Variants in EIF2AK1 observed in about 807,000 individuals in gnomAD.
EIF2AK1 encodes the protein eukaryotic translation initiation factor 2-alpha kinase 1.
A neutral mutation model predicts 77.9 loss-of-function variants in EIF2AK1; 54 were observed. The ratio of observed to expected loss-of-function variants is 0.69; its 90% CI spans 0.56 to 0.87. EIF2AK1 has a LOEUF of 0.87. EIF2AK1 is among the 40% of genes least tolerant of loss of function. The pLI, the probability that EIF2AK1 is intolerant of heterozygous loss-of-function variation, is 0.00. For synonymous variants in EIF2AK1, 314 were observed against 290.5 expected, an observed-to-expected ratio of 1.08 and a Z score of -0.82; for missense variants, 810 against 768.6, an observed-to-expected ratio of 1.05 and a Z score of -0.64.
chr7:6,033,900 C>G lies in EIF2AK1; in HGVS notation c.1332+3524G>C, dbSNP rs1787987857. Reference sequence around the variant, plus strand: ...GGATTTTCTTGTTTATTACTCTCCACTAGAAGGTAAGCCGCATGAAAGAGA... The same window carrying G: ...GGATTTTCTTGTTTATTACTCTCCAGTAGAAGGTAAGCCGCATGAAAGAGA... On this transcript the variant is annotated intron_variant, in intron 11 of 14. Transcript: ENST00000199389. The surrounding 1 kb of genome is among the most constrained non-coding windows in gnomAD (Gnocchi z 4.4). Among the ~76,000 whole-genome samples, 1 of 152,096 alleles carries G rather than the reference C, an allele frequency of 6.6e-6. No individual in the cohort carries two copies. Among genetic ancestry groups the G allele is most frequent in the African/African-American group, 2.4e-5 (1 of 41,418 alleles).
rs17136324 is a variant in EIF2AK1 at position 6,027,516 on chromosome 7, C to T, written c.1531-555G>A. Among the ~76,000 whole-genome samples the T allele has an allele frequency of 0.064, 9,781 of 152,086 alleles. 595 individuals are homozygous for T. The highest frequency in any genetic ancestry group is 0.34 in the East Asian group (1,748 of 5,158). The stretch of plus-strand genomic sequence containing the variant: ...TTCCTAATCACTAAAAAGCTCAATG[C>T]GCCATCAAAAGGAAGAAAATTTTAC... On this transcript the variant is annotated intron_variant, in intron 13 of 14. Transcript: ENST00000199389. The surrounding 1 kb of genome is among the most constrained non-coding windows in gnomAD (Gnocchi z 4.5).
At chr7:6,040,798 G>T in intron 9 of EIF2AK1, 94 bp downstream of exon 9, 1 of 1,059,846 alleles carries the variant, frequency 9.4e-7, no homozygotes, top group East Asian at 2.4e-5. Context: ...ACGCAGGGCA[G>T]AAGCGCCAGA....
In EIF2AK1 at chr7:6,024,400, G is replaced by C; in HGVS notation, c.*273C>G. On this transcript the variant is annotated 3_prime_UTR_variant, in exon 15 of 15. Coordinates refer to ENST00000199389, the MANE Select transcript of EIF2AK1 (RefSeq NM_014413.4). ...GTACCTTCTAGAGGAAGACCAGACA[G>C]AGGGTCAACAGAGTTGAAAGGAGAA... The C allele has an allele frequency of 7.6e-7, 1 of 1,311,340 alleles. No homozygotes were observed. Among genetic ancestry groups the C allele is most frequent in the Non-Finnish European group, 9.8e-7 (1 of 1,025,480 alleles). The allele number at this position is 1,311,340 out of a possible 1,614,324, so 81.2% of individuals were successfully genotyped here. A position where few individuals can be genotyped will look rare whatever the true frequency, so the allele number is the denominator to read the frequency against.
Position 6,023,294 on chromosome 7 carries a change from T to G in EIF2AK1, c.*1379A>C. On this transcript the variant is annotated 3_prime_UTR_variant, in exon 15 of 15. Transcript: ENST00000199389. Reference sequence around the variant, plus strand: ...TGGTGATGCTACCTGGCGTGTTTTTTCTTTTCAGTGCCGAAGACGCAGATG... The same window carrying G: ...TGGTGATGCTACCTGGCGTGTTTTTGCTTTTCAGTGCCGAAGACGCAGATG... The G allele has an allele frequency of 6.3e-7, 1 of 1,580,110 alleles. No individual in the cohort carries two copies. Among genetic ancestry groups the G allele is most frequent in the South Asian group, 1.2e-5 (1 of 85,874 alleles).
chr7:6,035,131 A>G lies in EIF2AK1; in HGVS notation c.1332+2293T>C, dbSNP rs1270507241. On this transcript the variant is annotated intron_variant, in intron 11 of 14. Transcript: ENST00000199389. This position sits in a 1 kb window ranked among gnomAD's most constrained non-coding sequence, Gnocchi z 5.5. ...AGCCCTAGCGGGGACGGCACAGGTA[A>G]AACAGGCTGCTCCAAGAAGCTGGGC... 6.6e-6 allele frequency among the ~76,000 whole-genome samples: 1 copy of G among 152,178 alleles called. No individual in the cohort carries two copies. Among genetic ancestry groups the G allele is most frequent in the Non-Finnish European group, 1.5e-5 (1 of 68,032 alleles).
At position 6,032,360 on chromosome 7, in the gene EIF2AK1, C is replaced by G. The variant is rs570381806; in HGVS notation, c.1333-3328G>C. Among the ~76,000 whole-genome samples the G allele has an allele frequency of 3.9e-5, 6 of 152,312 alleles. No homozygotes were observed. The South Asian group carries it at 1.2e-3, about 32-fold the overall frequency. On this transcript the variant is annotated intron_variant, in intron 11 of 14. Coordinates refer to ENST00000199389, the MANE Select transcript of EIF2AK1 (RefSeq NM_014413.4). This position sits in a 1 kb window ranked among gnomAD's most constrained non-coding sequence, Gnocchi z 4.3. ...TACTTACACGTGTGTATTTTAAGAG[C>G]TGGCACAAACAGCTCTGCTAATCAT... is the stretch of plus-strand genomic sequence containing the variant.
chr7:6,058,668 G>C (rs1788863135), intron 1 of EIF2AK1, among the ~76,000 whole-genome samples: 1 of 152,252 alleles, frequency 6.6e-6, no homozygotes, highest in African/African-American at 2.4e-5. Flanking sequence ...ATGGGGGCAA[G>C]ACGGTGGCCT....
intron 4 of EIF2AK1, 141 bp from the exon 5 acceptor site, chr7:6,047,232 T>C (rs1788472674): frequency 1.1e-6 from 1 of 920,454 alleles, no homozygotes; most frequent in South Asian, 1.4e-5. Flanking sequence ...TGGGCTAAAA[T>C]GAAATTTTTC....
chr7:6,049,946 T>C lies in EIF2AK1; in HGVS notation c.377A>G (p.His126Arg), dbSNP rs570285714. 1.2e-6 allele frequency: 2 copies of C among 1,612,830 alleles called. No homozygotes were observed. The highest frequency in any genetic ancestry group is 2.2e-5 in the South Asian group (2 of 90,554). ...TCTCTCTTTAGCAGACCTCATTAAG[T>C]GAGTAATAGCTCTGTTGTGATGTAG... ...LRLHHNRAIT[H>R]LMRSAKERVR... is the part of the protein sequence containing the mutation. Residue 126 changes from histidine (H) to arginine (R), a missense_variant, in exon 3 of 15, where the codon CAC becomes CGC. Physicochemically the swap from His to Arg is conservative, Grantham distance 29. Transcript: ENST00000199389.
chr7:6,051,259 AT>A (rs919028771), intron 2 of EIF2AK1, among the ~76,000 whole-genome samples: 131 of 146,454 alleles, frequency 8.9e-4, no homozygotes, highest in Non-Finnish European at 1.3e-3. Context: ...CAATGAGGAC[AT>A]TTTTTTTTCT....
chr7:6,049,878 T>C (rs775859805), intron 3 of EIF2AK1, 34 bp downstream of exon 3: 1 of 1,567,682 alleles, frequency 6.4e-7, no homozygotes, highest in Non-Finnish European at 8.6e-7. Context: ...AAGTATATTT[T>C]TGTCATACCC....
chr7:6,022,498 G>A lies in EIF2AK1; in HGVS notation c.*2175C>T, dbSNP rs1005408872. On this transcript the variant is annotated 3_prime_UTR_variant, in exon 15 of 15. Coordinates refer to ENST00000199389, the MANE Select transcript of EIF2AK1 (RefSeq NM_014413.4). ...ATGATGAGATGTGCAACATGGTTTT[G>A]ATAAGAGGCAGCAAGGGTTTAGGAC... 6.6e-6 allele frequency: 1 copy of A among 152,200 alleles called. No homozygotes were observed. Among genetic ancestry groups the A allele is most frequent in the African/African-American group, 2.4e-5 (1 of 41,438 alleles). The allele number at this position is 152,200 out of a possible 1,614,324, so 9.4% of individuals were successfully genotyped here. A position where few individuals can be genotyped will look rare whatever the true frequency, so the allele number is the denominator to read the frequency against.
In EIF2AK1 at chr7:6,029,008, G is replaced by A. The variant is rs769076946; in HGVS notation, c.1357C>T (p.Pro453Ser). The A allele has an allele frequency of 2.5e-6, 4 of 1,611,094 alleles. No individual in the cohort carries two copies. Among genetic ancestry groups the A allele is most frequent in the Non-Finnish European group, 3.4e-6 (4 of 1,179,406 alleles). Residue 453 changes from proline to serine, a missense_variant, in exon 12 of 15, where the codon CCT becomes TCT. Physicochemically the swap from Pro to Ser is moderately conservative, Grantham distance 74. Transcript: ENST00000199389. ...LKPRNIFLHG[P>S]DQQVKIGDFG... is the part of the protein sequence containing the mutation. The stretch of plus-strand genomic sequence containing the variant: ...TCTCCTATTTTTACTTGCTGATCAG[G>A]GCCATGAAGAAAAATATTTCTTGGC...
chr7:6,023,538 T>C lies in EIF2AK1; in HGVS notation c.*1135A>G. On this transcript the variant is annotated 3_prime_UTR_variant, in exon 15 of 15. Coordinates refer to ENST00000199389, the MANE Select transcript of EIF2AK1 (RefSeq NM_014413.4). ...CTCTTGGGAAGAGCCCTTGGCTCGC[T>C]GGGAATGAACTCACCGTAGCAGACG... is the stretch of plus-strand genomic sequence containing the variant. 1 of 1,614,232 alleles carries C rather than the reference T, an allele frequency of 6.2e-7. No homozygotes were observed.
At position 6,035,883 on chromosome 7, in the gene EIF2AK1, C is replaced by T. The variant is rs189141637; in HGVS notation, c.1332+1541G>A. 4.1e-5 allele frequency: 64 copies of T among 1,546,640 alleles called. 2 individuals are homozygous for T. The East Asian group carries it at 6.9e-4, about 17-fold the overall frequency. ...GTGCACTGCATCAAGCAAAGCAGGC[C>T]GACTCCTCGGGGCGGGGGTCAGCTG... On this transcript the variant is annotated intron_variant, in intron 11 of 14. Transcript: ENST00000199389. The surrounding 1 kb of genome is among the most constrained non-coding windows in gnomAD (Gnocchi z 5.5).
intron 1 of EIF2AK1, among the ~76,000 whole-genome samples, chr7:6,057,979 G>C (rs925743841): frequency 6.6e-6 from 1 of 152,042 alleles, no homozygotes; most frequent in African/African-American, 2.4e-5. Flanking sequence ...AAAACACCTG[G>C]CAGCAACTAA....
At chr7:6,031,902 A>G (rs1787922743) in intron 11 of EIF2AK1, among the ~76,000 whole-genome samples, 1 of 152,138 alleles carries the variant, frequency 6.6e-6, no homozygotes, top group Admixed American at 6.5e-5. Flanking sequence ...GGCCAGACGC[A>G]GTAGCTCATG....
At chr7:6,029,928 C>T (rs533680441) in intron 11 of EIF2AK1, among the ~76,000 whole-genome samples, 31 of 152,060 alleles carry the variant, frequency 2.0e-4, no homozygotes, top group African/African-American at 6.0e-4. Context: ...TGCAGTGAGA[C>T]GAGATCGCAT....
At position 6,024,309 on chromosome 7, in the gene EIF2AK1, CAGTG is replaced by C; in HGVS notation, c.*360_*363del. ...GGCAGCTGTCAAAACTGGAACAGTCCAGTGAGTATGTGCAGGCCCGGGCTTGGGC... is the reference window on the plus strand; with the variant it reads ...GGCAGCTGTCAAAACTGGAACAGTCCAGTATGTGCAGGCCCGGGCTTGGGC... On this transcript the variant is annotated 3_prime_UTR_variant, in exon 15 of 15. Transcript: ENST00000199389. The C allele has an allele frequency of 8.2e-7, 1 of 1,217,828 alleles. No individual in the cohort carries two copies. Among genetic ancestry groups the C allele is most frequent in the Non-Finnish European group, 1.0e-6 (1 of 962,402 alleles). The allele number at this position is 1,217,828 out of a possible 1,614,324, so 75.4% of individuals were successfully genotyped here.
Sources: gnomAD v4.1 joint callset for allele counts (sites outside exome capture counted in the v4.1 genomes callset) on GRCh38, gnomAD v4.1.1 for gene constraint, Gnocchi (gnomAD v3.1) non-coding constraint, MANE v1.5 for transcripts, NCBI Gene and HGNC (gene_info 2026-07-23, HGNC 2026-07-21) for gene names.